EIPR1: variants seen among roughly 807,000 people sequenced by gnomAD.
The protein encoded by EIPR1 is EARP and GARP complex-interacting protein 1.
EIPR1 carries 25 observed loss-of-function variants against 48.1 expected under a neutral mutation model. The observed-to-expected ratio is 0.52, with a 90% confidence interval of 0.38 to 0.73. The LOEUF is 0.73. Among genes scored for constraint, EIPR1 ranks in the 30% least tolerant of loss-of-function variants. The pLI, the probability that EIPR1 is intolerant of heterozygous loss-of-function variation, is 0.00. For synonymous variants in EIPR1, 204 were observed against 201.9 expected, an observed-to-expected ratio of 1.01 and a Z score of -0.09; for missense variants, 415 against 506.2, an observed-to-expected ratio of 0.82 and a Z score of 1.73.
chr2:3,366,284 G>A (rs559225842), intron 1 of EIPR1, among the ~76,000 whole-genome samples: 1 of 152,180 alleles, frequency 6.6e-6, no homozygotes, highest in East Asian at 1.9e-4. Context: ...CTCCAGCCTG[G>A]GTGACAGCAA....
At chr2:3,252,151 C>T (rs1160298073) in intron 4 of EIPR1, among the ~76,000 whole-genome samples, 2 of 152,188 alleles carry the variant, frequency 1.3e-5, no homozygotes, top group East Asian at 3.8e-4. Context: ...GAGTGTCCGC[C>T]CTGTGCTGTC....
intron 1 of EIPR1, among the ~76,000 whole-genome samples, chr2:3,367,046 A>C (rs771861221): frequency 6.6e-6 from 1 of 152,060 alleles, no homozygotes; most frequent in Non-Finnish European, 1.5e-5. Context: ...CTCTGTCCCA[A>C]AAAATAAGTA....
chr2:3,270,229 T>C (rs1047267634), intron 3 of EIPR1, among the ~76,000 whole-genome samples: 1 of 152,202 alleles, frequency 6.6e-6, no homozygotes, highest in Non-Finnish European at 1.5e-5. Flanking sequence ...TGCAAGCCCA[T>C]CTGTGCCCAC....
At chr2:3,280,357 C>T (rs548938684) in intron 3 of EIPR1, among the ~76,000 whole-genome samples, 11 of 152,322 alleles carry the variant, frequency 7.2e-5, no homozygotes, top group East Asian at 3.9e-4. Context: ...ACTCCTCGCC[C>T]GGCCTCGTTC....
chr2:3,207,952 T>C (rs1665293232), intron 5 of EIPR1: 1 of 152,916 alleles, frequency 6.5e-6, no homozygotes, highest in Non-Finnish European at 1.5e-5. Flanking sequence ...CTACATATTT[T>C]CTTAAAGATA....
chr2:3,279,500 G>T (rs1246588114), intron 3 of EIPR1, among the ~76,000 whole-genome samples: 1 of 152,192 alleles, frequency 6.6e-6, no homozygotes, highest in South Asian at 2.1e-4. Flanking sequence ...CCTGGGCAAG[G>T]TGTCACTTAC....
At chr2:3,372,208 G>C (rs1398791516) in intron 1 of EIPR1, among the ~76,000 whole-genome samples, 1 of 150,626 alleles carries the variant, frequency 6.6e-6, no homozygotes, top group Admixed American at 6.6e-5. Context: ...CAACATACCA[G>C]AATCTCTGGG....
At position 3,217,452 on chromosome 2, in the gene EIPR1, C is replaced by A. The variant is rs182405567; in HGVS notation, c.417-3204G>T. On this transcript the variant is annotated intron_variant, in intron 4 of 8. Transcript: ENST00000382125. ...TTAACTTCAATAAACATAGGTACTTCGTAAAACTCAAGAAAGTAACCCCAT... is the reference window on the plus strand; with the variant it reads ...TTAACTTCAATAAACATAGGTACTTAGTAAAACTCAAGAAAGTAACCCCAT... Among the ~76,000 whole-genome samples the A allele has an allele frequency of 3.9e-5, 6 of 152,226 alleles. No homozygotes were observed. In the South Asian group the frequency reaches 1.2e-3, roughly 32 times the overall value.
intron 3 of EIPR1, among the ~76,000 whole-genome samples, chr2:3,336,709 A>G (rs1454292026): frequency 2.0e-5 from 3 of 152,052 alleles, no homozygotes; most frequent in African/African-American, 7.2e-5. Context: ...CAGAGGTTGC[A>G]GTGAGCCCAG....
chr2:3,296,209 C>CCA (rs1668585478), intron 3 of EIPR1, among the ~76,000 whole-genome samples: 1 of 133,440 alleles, frequency 7.5e-6, no homozygotes, highest in East Asian at 2.5e-4. Flanking sequence ...CCCATCCTCT[C>CCA]TACACAGACA....
intron 4 of EIPR1, among the ~76,000 whole-genome samples, chr2:3,239,502 T>C (rs1666524110): frequency 6.6e-6 from 1 of 152,174 alleles, no homozygotes; most frequent in Non-Finnish European, 1.5e-5. Flanking sequence ...ATGAGGTGGA[T>C]CCGTCTTCTG....
At chr2:3,284,735 C>T (rs558094173) in intron 3 of EIPR1, among the ~76,000 whole-genome samples, 1 of 152,264 alleles carries the variant, frequency 6.6e-6, no homozygotes, top group African/African-American at 2.4e-5. Flanking sequence ...GTCTGCCCAA[C>T]TCCAAATCCA....
chr2:3,212,657 A>T (rs562797064), intron 5 of EIPR1, among the ~76,000 whole-genome samples: 3 of 152,336 alleles, frequency 2.0e-5, no homozygotes, highest in East Asian at 1.9e-4. Context: ...GGACTCTGCC[A>T]AATCTCCCGG....
chr2:3,317,318 G>A lies in EIPR1; in HGVS notation c.259+20699C>T, dbSNP rs141416854. Among the ~76,000 whole-genome samples the A allele has an allele frequency of 4.4e-3, 667 of 151,080 alleles. 12 individuals are homozygous for A. The highest frequency in any genetic ancestry group is 0.011 in the East Asian group (55 of 5,054). ...CGCACGAGGTGCTGACCGAGCTGAG[G>A]GCCTACTGTGTGCCTCGCACGCGGG... On this transcript the variant is annotated intron_variant, in intron 3 of 8. Coordinates refer to ENST00000382125, the MANE Select transcript of EIPR1 (RefSeq NM_003310.5).
chr2:3,199,658 G>A (rs577101533), intron 5 of EIPR1, among the ~76,000 whole-genome samples: 91 of 152,214 alleles, frequency 6.0e-4, no homozygotes, highest in African/African-American at 2.0e-3. Flanking sequence ...TATGGGGGGC[G>A]TGTCCACATC....
chr2:3,319,107 G>C (rs1000849892), intron 3 of EIPR1: 52 of 366,918 alleles, frequency 1.4e-4, no homozygotes, highest in Non-Finnish European at 2.7e-4. Flanking sequence ...TCCAGTGCTT[G>C]AGCGTCATTA....
Position 3,192,485 on chromosome 2 carries a change from C to A in EIPR1, c.918G>T (p.Ser306=), listed in dbSNP as rs562421827. The part of the protein sequence containing the change: ...RVILSNMVSI[S]SEPFGHLVDD... ...CTACCAAGTGGCCGAAGGGCTCCGACGAGATGGACACCATGTTGGAAAGGA... is the reference window on the plus strand; with the variant it reads ...CTACCAAGTGGCCGAAGGGCTCCGAAGAGATGGACACCATGTTGGAAAGGA... Residue 306 remains serine (S), a synonymous_variant, in exon 8 of 9, where the codon TCG becomes TCT. Coordinates refer to ENST00000382125, the MANE Select transcript of EIPR1 (RefSeq NM_003310.5). 2 of 1,613,084 alleles carry A rather than the reference C, an allele frequency of 1.2e-6. No homozygotes were observed. Among genetic ancestry groups the A allele is most frequent in the East Asian group, 2.2e-5 (1 of 44,864 alleles).
At chr2:3,353,351 G>T (rs1465400968) in intron 2 of EIPR1, 1 of 468,986 alleles carries the variant, frequency 2.1e-6, no homozygotes, top group East Asian at 7.0e-5. Flanking sequence ...TGTGCACTTT[G>T]CTTTTTTACA....
At chr2:3,218,287 G>A (rs186682237) in intron 4 of EIPR1, among the ~76,000 whole-genome samples, 3 of 147,472 alleles carry the variant, frequency 2.0e-5, no homozygotes, top group Admixed American at 6.7e-5. Flanking sequence ...CACCCAACAC[G>A]GCCCTGATAC....
Sources: gnomAD v4.1 joint callset for allele counts (sites outside exome capture counted in the v4.1 genomes callset) on GRCh38, gnomAD v4.1.1 for gene constraint, MANE v1.5 for transcripts, NCBI Gene and HGNC (gene_info 2026-07-23, HGNC 2026-07-21) for gene names.